Variants in DHRS7C observed in about 807,000 individuals in gnomAD.
The protein encoded by DHRS7C is dehydrogenase/reductase 7C.
In DHRS7C, 28 loss-of-function variants were observed where a neutral mutation model predicts 29.6. The observed-to-expected ratio is 0.95, with a 90% CI of 0.70 to 1.30. The LOEUF (loss-of-function observed/expected upper bound fraction) is 1.30. Among genes scored for constraint, DHRS7C ranks in the 50% most tolerant of loss-of-function variants. The pLI, the probability that DHRS7C is intolerant of heterozygous loss-of-function variation, is 0.00. For synonymous variants in DHRS7C, 158 were observed against 160.2 expected, an observed-to-expected ratio of 0.99 and a Z score of 0.10; for missense variants, 403 against 393.3, an observed-to-expected ratio of 1.02 and a Z score of -0.21.
chr17:9,773,245 A>G (rs2066342072), intron 4 of DHRS7C, among the ~76,000 whole-genome samples: 1 of 152,068 alleles, frequency 6.6e-6, no homozygotes, highest in African/African-American at 2.4e-5. Context: ...GTGAAGATCA[A>G]ATGAGAAAAC....
intron 1 of DHRS7C, among the ~76,000 whole-genome samples, chr17:9,790,824 G>A (rs1410727985): frequency 6.6e-6 from 1 of 152,144 alleles, no homozygotes; most frequent in African/African-American, 2.4e-5. Flanking sequence ...CCAGCTAAAG[G>A]CTTTGAATTT....
chr17:9,784,821 T>C (rs1385210278), intron 1 of DHRS7C, among the ~76,000 whole-genome samples: 6 of 152,244 alleles, frequency 3.9e-5, no homozygotes, highest in Non-Finnish European at 7.3e-5. Flanking sequence ...GCCACATTCT[T>C]GGCCACTGTG....
At chr17:9,783,654 G>A (rs1471457161) in intron 1 of DHRS7C, among the ~76,000 whole-genome samples, 2 of 152,170 alleles carry the variant, frequency 1.3e-5, no homozygotes, top group Admixed American at 1.3e-4. Flanking sequence ...TTGAGCCAAC[G>A]GGAAAAGAAT....
intron 3 of DHRS7C, among the ~76,000 whole-genome samples, chr17:9,777,903 G>C (rs1259059670): frequency 1.3e-5 from 2 of 152,136 alleles, no homozygotes; most frequent in African/African-American, 4.8e-5. Flanking sequence ...GAGAATGAAA[G>C]AGTTTTTAAA....
At chr17:9,779,030 C>T (rs1459395635) in intron 3 of DHRS7C, among the ~76,000 whole-genome samples, 1 of 152,132 alleles carries the variant, frequency 6.6e-6, no homozygotes, top group Non-Finnish European at 1.5e-5. Context: ...CTGCCTCAGC[C>T]TCCTGAGTAG....
Position 9,774,255 on chromosome 17 carries a change from C to G in DHRS7C, c.572-1333G>C, listed in dbSNP as rs1312611530. 1.2e-4 allele frequency among the ~76,000 whole-genome samples: 19 copies of G among 152,064 alleles called. No homozygotes were observed. Among genetic ancestry groups the G allele is most frequent in the Admixed American group, 1.2e-3 (19 of 15,264 alleles). ...CCTCATTTCATCAGTGGGGCAGACA[C>G]GTGGACAGGTAACTTTCCATGTGGT... is the stretch of plus-strand genomic sequence containing the variant. On this transcript the variant is annotated intron_variant, in intron 4 of 5. Transcript: ENST00000571134. The surrounding 1 kb of genome is among the most constrained non-coding windows in gnomAD (Gnocchi z 5.0).
intron 3 of DHRS7C, 110 bp from the exon 4 acceptor site, chr17:9,777,395 C>A (rs1331556028): frequency 2.2e-5 from 16 of 730,104 alleles, no homozygotes; most frequent in Admixed American, 3.0e-5. Flanking sequence ...GCTACCTCCG[C>A]GGTAACTAGA....
At position 9,777,285 on chromosome 17, in the gene DHRS7C, G is replaced by T; in HGVS notation, c.479C>A (p.Ala160Asp). Residue 160 changes from alanine to aspartate, a missense_variant and splice_region_variant, in exon 4 of 6, where the codon GCC becomes GAC. Transcript: ENST00000571134. ...CCGGGAGATCATGTTGGGAAGCAGG[G>T]CTGGAAAACACAGGACGATGCATCA... Reference protein sequence around the residue: ...NYFGPITLTKALLPNMISRRT... With the variant: ...NYFGPITLTKDLLPNMISRRT... The T allele has an allele frequency of 6.2e-7, 1 of 1,613,156 alleles. No homozygotes were observed. Among genetic ancestry groups the T allele is most frequent in the Non-Finnish European group, 8.5e-7 (1 of 1,179,494 alleles).
At chr17:9,782,828 C>T (rs1012503788) in intron 1 of DHRS7C, 12 of 152,300 alleles carry the variant, frequency 7.9e-5, no homozygotes, top group African/African-American at 2.7e-4. Flanking sequence ...CACGGAAGGA[C>T]AGCCTGGCAG....
chr17:9,777,385 G>A (rs1228014130), intron 3 of DHRS7C, 100 bp from the exon 4 acceptor site: 11 of 835,410 alleles, frequency 1.3e-5, no homozygotes, highest in East Asian at 2.6e-5. Context: ...ACAGGGCTCC[G>A]CTACCTCCGC....
At chr17:9,780,073 TCTC>T in intron 2 of DHRS7C, 38 bp from the exon 3 acceptor site, 1 of 1,590,574 alleles carries the variant, frequency 6.3e-7, no homozygotes, top group Non-Finnish European at 8.6e-7. Flanking sequence ...ATGTGTGAGA[TCTC>T]CTCCCTCTTG....
chr17:9,781,393 C>T (rs1217033489), intron 2 of DHRS7C, 89 bp downstream of exon 2: 2 of 1,230,758 alleles, frequency 1.6e-6, no homozygotes, highest in Non-Finnish European at 2.3e-6. Flanking sequence ...ACCAAGTTTC[C>T]TCCACTTGGT....
Position 9,771,723 on chromosome 17 carries a change from G to A in DHRS7C, c.728-27C>T, listed in dbSNP as rs565390030. 22 of 1,413,784 alleles carry A rather than the reference G, an allele frequency of 1.6e-5. No homozygotes were observed. The African/African-American group carries it at 2.3e-4, about 15-fold the overall frequency. The allele number at this position is 1,413,784 out of a possible 1,614,324, so 87.6% of individuals were successfully genotyped here. A position where few individuals can be genotyped will look rare whatever the true frequency, so the allele number is the denominator to read the frequency against. On this transcript the variant is annotated intron_variant, in intron 5 of 5. Coordinates refer to ENST00000571134, the MANE Select transcript of DHRS7C (RefSeq NM_001105571.3). ...TGAAAGGCCCCAGTTGGGGGCGGGG[G>A]TTATGACCTCCGTGGGGACCCGGCT...
In DHRS7C at chr17:9,771,712, T is replaced by G. The variant is rs569192898; in HGVS notation, c.728-16A>C. ...CTGAAAAAGACTGAAAGGCCCCAGT[T>G]GGGGGCGGGGGTTATGACCTCCGTG... On this transcript the variant is annotated splice_polypyrimidine_tract_variant and intron_variant, in intron 5 of 5. Coordinates refer to ENST00000571134, the MANE Select transcript of DHRS7C (RefSeq NM_001105571.3). 1.3e-4 allele frequency: 186 copies of G among 1,443,290 alleles called. 3 individuals carry two copies. In the South Asian group the frequency reaches 2.7e-3, roughly 21 times the overall value. 89.4% of individuals were successfully genotyped at this position (1,443,290 alleles called of 1,614,324 possible).
intron 1 of DHRS7C, among the ~76,000 whole-genome samples, chr17:9,787,542 CTTT>C: frequency 6.6e-6 from 1 of 152,272 alleles, no homozygotes; most frequent in South Asian, 2.1e-4. Flanking sequence ...TATTTCTATT[CTTT>C]TATCAGCTCA....
chr17:9,775,832 T>C lies in DHRS7C; in HGVS notation c.571+1361A>G, dbSNP rs1210836252. On this transcript the variant is annotated intron_variant, in intron 4 of 5. Coordinates refer to ENST00000571134, the MANE Select transcript of DHRS7C (RefSeq NM_001105571.3). The surrounding 1 kb of genome is among the most constrained non-coding windows in gnomAD (Gnocchi z 4.2). ...CAGAATGTGACGGTATTTAGAGATATTTAAAGAGGTGATTAATATAAAATG... is the reference window on the plus strand; with the variant it reads ...CAGAATGTGACGGTATTTAGAGATACTTAAAGAGGTGATTAATATAAAATG... Among the ~76,000 whole-genome samples, 3 of 152,112 alleles carry C rather than the reference T, an allele frequency of 2.0e-5. No individual in the cohort carries two copies. The highest frequency in any genetic ancestry group is 7.2e-5 in the African/African-American group (3 of 41,438).
chr17:9,785,745 AG>A (rs1159217036), intron 1 of DHRS7C, among the ~76,000 whole-genome samples: 2 of 152,212 alleles, frequency 1.3e-5, no homozygotes, highest in Admixed American at 6.5e-5. Flanking sequence ...GACATGTGCC[AG>A]GCCCATGGAC....
chr17:9,780,774 A>G (rs2066388988), intron 2 of DHRS7C, among the ~76,000 whole-genome samples: 1 of 152,208 alleles, frequency 6.6e-6, no homozygotes, highest in African/African-American at 2.4e-5. Context: ...AAAGGCTCTG[A>G]AAAGTCCTGC....
At chr17:9,790,624 A>T (rs2066449387) in intron 1 of DHRS7C, among the ~76,000 whole-genome samples, 1 of 152,190 alleles carries the variant, frequency 6.6e-6, no homozygotes, top group African/African-American at 2.4e-5. Flanking sequence ...AGCTCCAGGT[A>T]CTGTTCTAAG....
Sources: allele counts gnomAD v4.1 joint callset (sites outside exome capture counted in the v4.1 genomes callset), GRCh38; gene constraint gnomAD v4.1.1; non-coding constraint Gnocchi (gnomAD v3.1); transcripts MANE v1.5; gene names NCBI Gene and HGNC (gene_info 2026-07-23, HGNC 2026-07-21).